Variants in GULP1 observed in about 807,000 individuals in gnomAD.
GULP1 encodes the protein PTB domain-containing engulfment adapter protein 1.
GULP1 carries 19 observed loss-of-function variants against 40.9 expected under a neutral mutation model. That is an observed-to-expected ratio of 0.46 (90% CI 0.32 to 0.68). The LOEUF is 0.68. GULP1 is among the 30% of genes least tolerant of loss of function. The pLI is 0.03. For missense variants in GULP1, 312 were observed against 362.2 expected, an observed-to-expected ratio of 0.86 and a Z score of 1.12; for synonymous variants, 119 against 117.6, an observed-to-expected ratio of 1.01 and a Z score of -0.08.
chr2:188,359,206 T>G (rs1469265381), intron 1 of GULP1, among the ~76,000 whole-genome samples: 1 of 152,146 alleles, frequency 6.6e-6, no homozygotes, highest in Non-Finnish European at 1.5e-5. Context: ...TTTCATTATT[T>G]TTTAACATTA....
chr2:188,516,016 A>C (rs2065134392), intron 4 of GULP1, among the ~76,000 whole-genome samples: 1 of 152,166 alleles, frequency 6.6e-6, no homozygotes, highest in South Asian at 2.1e-4. Flanking sequence ...CACTGAAGCA[A>C]CTGCATTTTG....
At chr2:188,512,262 AT>A (rs539808189) in intron 4 of GULP1, among the ~76,000 whole-genome samples, 250 of 152,222 alleles carry the variant, frequency 1.6e-3, no homozygotes, top group Admixed American at 3.2e-3. Context: ...ATATATACGC[AT>A]TTTTAAAAAA....
At position 188,477,735 on chromosome 2, in the gene GULP1, G is replaced by C. The variant is rs1247833570; in HGVS notation, c.28+5G>C. 6.3e-7 allele frequency: 1 copy of C among 1,596,498 alleles called. No individual in the cohort carries two copies. Among genetic ancestry groups the C allele is most frequent in the Admixed American group, 1.8e-5 (1 of 56,590 alleles). On this transcript the variant is annotated splice_donor_5th_base_variant and intron_variant, in intron 3 of 11. Transcript: ENST00000409830. ...GTGCTTTTAGCAGGAAGAAAGGTAA[G>C]TGTGGTCATTTTTTAAAACTTGGGA... is the stretch of plus-strand genomic sequence containing the variant.
chr2:188,344,078 G>A (rs552908143), intron 1 of GULP1, among the ~76,000 whole-genome samples: 83 of 152,296 alleles, frequency 5.4e-4, no homozygotes, highest in African/African-American at 1.9e-3. Context: ...AAAGTGCTAG[G>A]ATTACAGGCA....
chr2:188,399,690 GAAA>G (rs55877284), intron 2 of GULP1, among the ~76,000 whole-genome samples: 3 of 64,676 alleles, frequency 4.6e-5, no homozygotes, highest in East Asian at 1.2e-3. Flanking sequence ...GTCCCTACAA[GAAA>G]AAAAAAAAAA....
chr2:188,508,011 G>A lies in GULP1; in HGVS notation c.91-14745G>A, dbSNP rs1018737253. On this transcript the variant is annotated intron_variant, in intron 4 of 11. Coordinates refer to ENST00000409830, the MANE Select transcript of GULP1 (RefSeq NM_016315.4). ...AATTTGGGATTATAGTTACTAATCA[G>A]GCTATTAAATTTTTATAACAGTTCC... 3.3e-5 allele frequency among the ~76,000 whole-genome samples: 5 copies of A among 151,864 alleles called. No homozygotes were observed. In the East Asian group the frequency reaches 5.8e-4, roughly 18 times the overall value.
chr2:188,325,442 A>T (rs1219825258), intron 1 of GULP1, among the ~76,000 whole-genome samples: 1 of 151,984 alleles, frequency 6.6e-6, no homozygotes, highest in Non-Finnish European at 1.5e-5. Flanking sequence ...TTAAAGTTTG[A>T]TTTGTTGTTT....
intron 2 of GULP1, among the ~76,000 whole-genome samples, chr2:188,411,228 C>T (rs1282104597): frequency 6.6e-6 from 1 of 152,140 alleles, no homozygotes. Context: ...GTATGTTATT[C>T]ATCCATCGTT....
intron 2 of GULP1, 110 bp downstream of exon 2, chr2:188,383,999 T>TA (rs1248462828): frequency 2.6e-5 from 4 of 152,154 alleles, no homozygotes; most frequent in African/African-American, 7.2e-5. Flanking sequence ...TCTTTTGTTG[T>TA]AAAAAATAGT....
At chr2:188,536,816 C>T (rs1184966017) in intron 6 of GULP1, among the ~76,000 whole-genome samples, 4 of 151,992 alleles carry the variant, frequency 2.6e-5, no homozygotes, top group Non-Finnish European at 4.4e-5. Context: ...TTCATGAGCA[C>T]GGAATATTTT....
chr2:188,472,451 C>T (rs1008044295), intron 2 of GULP1, among the ~76,000 whole-genome samples: 5 of 152,018 alleles, frequency 3.3e-5, no homozygotes, highest in Non-Finnish European at 4.4e-5. Context: ...TCGGCAGGCA[C>T]GCTTCATTCT....
intron 4 of GULP1, among the ~76,000 whole-genome samples, chr2:188,485,153 T>C (rs2061756720): frequency 2.0e-5 from 3 of 152,152 alleles, no homozygotes; most frequent in Admixed American, 6.6e-5. Context: ...AATATTTTTA[T>C]GTGACTGATA....
intron 4 of GULP1, among the ~76,000 whole-genome samples, chr2:188,495,234 A>G (rs1176043585): frequency 6.6e-6 from 1 of 152,072 alleles, no homozygotes; most frequent in East Asian, 1.9e-4. Context: ...AGGGAACTCA[A>G]GCCAGACCAG....
At chr2:188,483,184 AT>A (rs1435627405) in intron 3 of GULP1, among the ~76,000 whole-genome samples, 1 of 152,046 alleles carries the variant, frequency 6.6e-6, no homozygotes, top group Non-Finnish European at 1.5e-5. Flanking sequence ...TTCTTTTAAA[AT>A]TTGGTATCAT....
intron 2 of GULP1, among the ~76,000 whole-genome samples, chr2:188,446,703 G>A (rs539151475): frequency 1.1e-4 from 17 of 152,136 alleles, no homozygotes; most frequent in Non-Finnish European, 2.1e-4. Flanking sequence ...TATCAAGCAG[G>A]ACTTTAAAAC....
At chr2:188,414,526 C>T (rs2054332259) in intron 2 of GULP1, among the ~76,000 whole-genome samples, 1 of 152,050 alleles carries the variant, frequency 6.6e-6, no homozygotes, top group Admixed American at 6.5e-5. Context: ...TTTTAGAACT[C>T]AGTTTAGCAA....
In GULP1 at chr2:188,541,280, A is replaced by G. The variant is rs1410325772; in HGVS notation, c.361A>G (p.Asn121Asp). 6.2e-7 allele frequency: 1 copy of G among 1,612,800 alleles called. No homozygotes were observed. Among genetic ancestry groups the G allele is most frequent in the Admixed American group, 1.7e-5 (1 of 60,024 alleles). The stretch of plus-strand genomic sequence containing the variant: ...TTTCATATGCAAAGATTCTGAGTCA[A>G]ATAAACATTTGTGCTATGTATTTGA... ...FTFICKDSES[N>D]KHLCYVFDSE... is the part of the protein sequence containing the mutation. The change falls in exon 7 of 12, where the codon AAT becomes GAT. Residue 121 changes from asparagine (N) to aspartate (D), a missense_variant. Coordinates refer to ENST00000409830, the MANE Select transcript of GULP1 (RefSeq NM_016315.4).
chr2:188,425,002 C>A (rs902532655), intron 2 of GULP1, among the ~76,000 whole-genome samples: 1 of 151,870 alleles, frequency 6.6e-6, no homozygotes, highest in African/African-American at 2.4e-5. Context: ...TTATATTTGG[C>A]TTGTTTCTTT....
intron 1 of GULP1, among the ~76,000 whole-genome samples, chr2:188,335,478 C>T (rs944029899): frequency 3.3e-5 from 5 of 152,138 alleles, no homozygotes; most frequent in African/African-American, 1.2e-4. Context: ...TGCTCAGAAT[C>T]GCTTCTAAAA....
Sources: gnomAD v4.1 joint callset for allele counts (sites outside exome capture counted in the v4.1 genomes callset) on GRCh38, gnomAD v4.1.1 for gene constraint, MANE v1.5 for transcripts, NCBI Gene and HGNC (gene_info 2026-07-23, HGNC 2026-07-21) for gene names.